TAT: variants seen among roughly 807,000 people sequenced by gnomAD.
The protein encoded by TAT is tyrosine aminotransferase.
Under a neutral mutation model 53.6 loss-of-function variants are expected in TAT, and 35 were observed. The ratio of observed to expected loss-of-function variants is 0.65; its 90% confidence interval spans 0.50 to 0.87. TAT has a LOEUF of 0.87. Among genes scored for constraint, TAT ranks in the 40% least tolerant of loss-of-function variants. TAT has a pLI of 0.00. For missense variants in TAT, 525 were observed against 571.8 expected (o/e 0.92, Z 0.83); for synonymous variants, 197 against 206.5 (o/e 0.95, Z 0.39).
In TAT at chr16:71,565,852, GTT is replaced by G. The variant is rs1431743676; in HGVS notation, c.*2290_*2291del. 1 of 152,198 alleles carries G rather than the reference GTT, an allele frequency of 6.6e-6. No individual in the cohort carries two copies. Among genetic ancestry groups the G allele is most frequent in the Non-Finnish European group, 1.5e-5 (1 of 68,044 alleles). 9.4% of individuals were successfully genotyped at this position (152,198 alleles called of 1,614,324 possible). Reference sequence around the variant, plus strand: ...AAGGACAGTTGCGTTTGTTTGTATCGTTTGAAATTGTCCAGTGTGTATGTGTT... The same window carrying G: ...AAGGACAGTTGCGTTTGTTTGTATCGTGAAATTGTCCAGTGTGTATGTGTT... On this transcript the variant is annotated 3_prime_UTR_variant, in exon 12 of 12. Transcript: ENST00000355962.
At position 71,569,941 on chromosome 16, in the gene TAT, C is replaced by A; in HGVS notation, c.1042-4G>T. 1.2e-6 allele frequency: 2 copies of A among 1,611,902 alleles called. No homozygotes were observed. The highest frequency in any genetic ancestry group is 1.7e-6 in the Non-Finnish European group (2 of 1,179,058). On this transcript the variant is annotated splice_region_variant and splice_polypyrimidine_tract_variant and intron_variant, in intron 9 of 11. Coordinates refer to ENST00000355962, the MANE Select transcript of TAT (RefSeq NM_000353.3). ...CATAACAGAGATCAGCATTGGACTACAAGAAGAGGCAAGGAGAAATCAAGG... is the reference window on the plus strand; with the variant it reads ...CATAACAGAGATCAGCATTGGACTAAAAGAAGAGGCAAGGAGAAATCAAGG...
intron 4 of TAT, among the ~76,000 whole-genome samples, chr16:71,573,169 G>C (rs1473038040): frequency 2.0e-5 from 3 of 152,172 alleles, no homozygotes; most frequent in Non-Finnish European, 4.4e-5. Flanking sequence ...AATGAGAAAA[G>C]CTACAATTTT....
At chr16:71,570,579 G>T in intron 8 of TAT, 100 bp downstream of exon 8, 1 of 1,584,544 alleles carries the variant, frequency 6.3e-7, no homozygotes, top group Non-Finnish European at 8.6e-7. Context: ...CTGCTTGACT[G>T]ACAAGGAGAA....
intron 4 of TAT, 119 bp from the exon 5 acceptor site, chr16:71,572,807 T>A: frequency 8.8e-7 from 1 of 1,141,100 alleles, no homozygotes; most frequent in Non-Finnish European, 1.3e-6. Flanking sequence ...TTGTAAGTAG[T>A]AGGAAATGTA....
chr16:71,566,947 T>C lies in TAT; in HGVS notation c.*1197A>G, dbSNP rs1345169058. The C allele has an allele frequency of 6.7e-6, 1 of 150,364 alleles. No individual in the cohort carries two copies. The highest frequency in any genetic ancestry group is 1.5e-5 in the Non-Finnish European group (1 of 67,642). 9.3% of individuals were successfully genotyped at this position (150,364 alleles called of 1,614,324 possible). A position where few individuals can be genotyped will look rare whatever the true frequency, so the allele number is the denominator to read the frequency against. On this transcript the variant is annotated 3_prime_UTR_variant, in exon 12 of 12. Coordinates refer to ENST00000355962, the MANE Select transcript of TAT (RefSeq NM_000353.3). ...ATCAATATAAATGTTTCTTAGAAAA[T>C]GTATGAAAAGATAATATATATTAAT...
chr16:71,570,855 T>C (rs780722612), intron 7 of TAT, 24 bp from the exon 8 acceptor site: 3 of 1,611,582 alleles, frequency 1.9e-6, no homozygotes, highest in African/African-American at 1.3e-5. Flanking sequence ...CTTGTTATGG[T>C]TGTTTTCTTG....
chr16:71,573,553 G>A lies in TAT; in HGVS notation c.394C>T (p.Pro132Ser). The change falls in exon 4 of 12, where the codon CCC (proline) becomes TCC (serine). Residue 132 changes from proline to serine, a missense_variant. Coordinates refer to ENST00000355962, the MANE Select transcript of TAT (RefSeq NM_000353.3). ...ATAAGGCTCACCTTAGCTTCTAGGGGTGCCTCAGGACAGTGGTAATAAGAA... is the reference window on the plus strand; with the variant it reads ...ATAAGGCTCACCTTAGCTTCTAGGGATGCCTCAGGACAGTGGTAATAAGAA... ...IASYYHCPEA[P>S]LEAKDVILTS... is the part of the protein sequence containing the mutation. 1 of 1,554,486 alleles carries A rather than the reference G, an allele frequency of 6.4e-7. No individual in the cohort carries two copies. Among genetic ancestry groups the A allele is most frequent in the Non-Finnish European group, 8.7e-7 (1 of 1,148,296 alleles).
intron 3 of TAT, 67 bp from the exon 4 acceptor site, chr16:71,573,673 G>T: frequency 1.4e-6 from 2 of 1,400,808 alleles, no homozygotes; most frequent in Non-Finnish European, 9.9e-7. Flanking sequence ...TCTGTCACCC[G>T]GACTTGGAGT....
intron 3 of TAT, 27 bp from the exon 4 acceptor site, chr16:71,573,633 C>A: frequency 6.5e-7 from 1 of 1,549,450 alleles, no homozygotes. Flanking sequence ...GAAAGTGGAG[C>A]TTTTTTGGTT....
rs1424778402 is a variant in TAT, at chr16:71,570,680, T to A, written c.911A>T (p.Glu304Val). ...CATACTCTTTCACCATATTATCACC[T>A]CATTGCCAAAAATGTCTCTTCGGTC... ...IHDRRDIFGN[E>V]IRDGLVKLSQ... The change falls in exon 8 of 12, where the codon GAG becomes GTG. Residue 304 changes from glutamate (E) to valine (V), a missense_variant and splice_region_variant. Transcript: ENST00000355962. The A allele has an allele frequency of 6.2e-7, 1 of 1,614,180 alleles. No homozygotes were observed.
At position 71,573,528 on chromosome 16, in the gene TAT, A is replaced by C; in HGVS notation, c.408+11T>G. On this transcript the variant is annotated intron_variant, in intron 4 of 11. Coordinates refer to ENST00000355962, the MANE Select transcript of TAT (RefSeq NM_000353.3). ...AATTGCTTCAGAGCTGGTGTCTTGT[A>C]TAAGGCTCACCTTAGCTTCTAGGGG... The C allele has an allele frequency of 6.4e-7, 1 of 1,552,248 alleles. No individual in the cohort carries two copies. The highest frequency in any genetic ancestry group is 8.7e-7 in the Non-Finnish European group (1 of 1,147,080).
chr16:71,570,944 T>C (rs1195832478), intron 7 of TAT, 113 bp from the exon 8 acceptor site: 7 of 1,316,700 alleles, frequency 5.3e-6, no homozygotes, highest in Non-Finnish European at 7.4e-6. Flanking sequence ...CTTGGATTAA[T>C]GGGATCATCC....
At chr16:71,573,255 T>C (rs2044215284) in intron 4 of TAT, among the ~76,000 whole-genome samples, 2 of 152,214 alleles carry the variant, frequency 1.3e-5, no homozygotes, top group African/African-American at 4.8e-5. Flanking sequence ...TCTCAAATGA[T>C]CTTTTACAGA....
chr16:71,568,408 C>G, intron 11 of TAT, 124 bp from the exon 12 acceptor site: 1 of 931,752 alleles, frequency 1.1e-6, no homozygotes, highest in Non-Finnish European at 1.7e-6. Context: ...GTTCATTCAG[C>G]TCCCATGACT....
intron 11 of TAT, 104 bp downstream of exon 11, chr16:71,568,607 G>A (rs1823234056): frequency 2.2e-6 from 2 of 917,914 alleles, no homozygotes; most frequent in Admixed American, 2.0e-5. Flanking sequence ...CAAATGAGAA[G>A]ACATTTTGTT....
chr16:71,568,151 T>A lies in TAT; in HGVS notation c.1358A>T (p.Asp453Val). The change falls in exon 12 of 12, where the codon GAT becomes GTT. Residue 453 changes from aspartate (D) to valine (V), a missense_variant. Coordinates refer to ENST00000355962, the MANE Select transcript of TAT (RefSeq NM_000353.3). ...HCAEGSQEECDK is the reference protein window; with the variant it reads ...HCAEGSQEECVK The stretch of plus-strand genomic sequence containing the variant: ...AGGAGAATGGATGCAGGCCTATTTA[T>A]CACACTCCTCCTGGCTGCCTTCAGC... 6.2e-7 allele frequency: 1 copy of A among 1,614,222 alleles called. No individual in the cohort carries two copies. Among genetic ancestry groups the A allele is most frequent in the South Asian group, 1.1e-5 (1 of 91,080 alleles).
intron 8 of TAT, 50 bp downstream of exon 8, chr16:71,570,629 G>T: frequency 6.2e-7 from 1 of 1,613,184 alleles, no homozygotes; most frequent in South Asian, 1.1e-5. Flanking sequence ...CTGTGCTCAT[G>T]AAATAAATAT....
At chr16:71,571,862 A>C (rs2044205573) in intron 6 of TAT, among the ~76,000 whole-genome samples, 1 of 152,244 alleles carries the variant, frequency 6.6e-6, no homozygotes, top group Admixed American at 6.5e-5. Flanking sequence ...AATTCTTAAC[A>C]TACTCTTCCA....
chr16:71,576,520 TAA>T (rs1164832858), intron 1 of TAT, 93 bp from the exon 2 acceptor site: 1 of 1,049,716 alleles, frequency 9.5e-7, no homozygotes, highest in East Asian at 2.4e-5. Flanking sequence ...GTGACTTCAC[TAA>T]AAGTGTCTTT....
Sources: allele counts gnomAD v4.1 joint callset (sites outside exome capture counted in the v4.1 genomes callset), GRCh38; gene constraint gnomAD v4.1.1; transcripts MANE v1.5; gene names NCBI Gene and HGNC (gene_info 2026-07-23, HGNC 2026-07-21).